DIS3L2: variants seen among roughly 807,000 people sequenced by gnomAD.
DIS3L2 encodes DIS3-like exonuclease 2.
In DIS3L2, 34 loss-of-function variants were observed where a neutral mutation model predicts 97.5. The observed-to-expected ratio is 0.35, with a 90% CI of 0.27 to 0.46. The LOEUF (loss-of-function observed/expected upper bound fraction) is 0.46. Ranked by LOEUF, DIS3L2 falls within the 20% of genes least tolerant of loss-of-function variation. The probability of loss-of-function intolerance (pLI) is 1.00; values close to 1 mark genes in which losing one functional copy is unlikely to be tolerated. For synonymous variants in DIS3L2, 435 were observed against 445.2 expected (o/e 0.98, Z 0.29); for missense variants, 1,038 against 1,146.0 (o/e 0.91, Z 1.36).
At chr2:231,970,828 AT>A (rs1553594938) in intron 1 of DIS3L2, among the ~76,000 whole-genome samples, 1 of 151,800 alleles carries the variant, frequency 6.6e-6, no homozygotes, top group Non-Finnish European at 1.5e-5. Context: ...AATTTTTTAT[AT>A]TTTGATTCTT....
chr2:231,973,385 T>C (rs575827128), intron 1 of DIS3L2, among the ~76,000 whole-genome samples: 1 of 152,260 alleles, frequency 6.6e-6, no homozygotes, highest in East Asian at 1.9e-4. Flanking sequence ...CAGATAAAGC[T>C]GTGATTCACC....
chr2:232,079,912 G>A (rs570732242), intron 5 of DIS3L2, among the ~76,000 whole-genome samples: 18 of 152,304 alleles, frequency 1.2e-4, no homozygotes, highest in African/African-American at 4.1e-4. Context: ...TAGAACATGA[G>A]GATAGAAAAA....
chr2:231,986,997 C>T (rs1271810174), intron 1 of DIS3L2, among the ~76,000 whole-genome samples: 1 of 152,180 alleles, frequency 6.6e-6, no homozygotes, highest in African/African-American at 2.4e-5. Context: ...ATCTGATTAA[C>T]ATTTATGGTA....
intron 11 of DIS3L2, among the ~76,000 whole-genome samples, chr2:232,240,854 C>G (rs924163791): frequency 1.3e-5 from 2 of 152,190 alleles, no homozygotes; most frequent in African/African-American, 2.4e-5. Context: ...CTTTTATAAC[C>G]AGGAATTACT....
chr2:232,050,627 C>T (rs762750172), intron 5 of DIS3L2, among the ~76,000 whole-genome samples: 25 of 152,144 alleles, frequency 1.6e-4, no homozygotes, highest in Non-Finnish European at 3.5e-4. Flanking sequence ...TCTTTCTTTA[C>T]GTTCTTTTCC....
chr2:232,082,124 G>C (rs1696421923), intron 5 of DIS3L2, among the ~76,000 whole-genome samples: 1 of 152,196 alleles, frequency 6.6e-6, no homozygotes, highest in Non-Finnish European at 1.5e-5. Flanking sequence ...TGCAATATGA[G>C]ATGGTTAGAG....
chr2:232,028,215 A>C (rs1694712551), intron 4 of DIS3L2, among the ~76,000 whole-genome samples: 1 of 152,082 alleles, frequency 6.6e-6, no homozygotes, highest in Non-Finnish European at 1.5e-5. Context: ...AGGGAAGTTC[A>C]TTATCTATTT....
intron 6 of DIS3L2, among the ~76,000 whole-genome samples, chr2:232,100,998 G>A (rs1697187868): frequency 6.6e-6 from 1 of 152,108 alleles, no homozygotes; most frequent in African/African-American, 2.4e-5. Flanking sequence ...CACTTTGGGA[G>A]GCCGAGGTGG....
intron 6 of DIS3L2, among the ~76,000 whole-genome samples, chr2:232,097,483 C>T (rs1697055387): frequency 6.6e-6 from 1 of 152,166 alleles, no homozygotes; most frequent in African/African-American, 2.4e-5. Flanking sequence ...CCTTCCCTCC[C>T]CTTTCCACAG....
chr2:232,294,449 C>T (rs999261114), intron 13 of DIS3L2, among the ~76,000 whole-genome samples: 1 of 152,222 alleles, frequency 6.6e-6, no homozygotes, highest in East Asian at 1.9e-4. Flanking sequence ...TAAGCACCTA[C>T]ACACCAGTAG....
At chr2:232,252,380 G>A (rs1472243284) in intron 12 of DIS3L2, among the ~76,000 whole-genome samples, 2 of 152,158 alleles carry the variant, frequency 1.3e-5, no homozygotes, top group Admixed American at 1.3e-4. Flanking sequence ...TTGCACTCCA[G>A]CTTGGGCAGT....
chr2:232,239,880 AAACT>A (rs139914008), intron 11 of DIS3L2, among the ~76,000 whole-genome samples: 1 of 152,342 alleles, frequency 6.6e-6, no homozygotes, highest in East Asian at 1.9e-4. Context: ...TCCACCCTGA[AAACT>A]AACCTCTCAA....
chr2:231,970,141 T>C (rs371576305), intron 1 of DIS3L2, among the ~76,000 whole-genome samples: 1 of 151,854 alleles, frequency 6.6e-6, no homozygotes, highest in South Asian at 2.1e-4. Context: ...AGAGATGAGG[T>C]CTTGTTATGT....
Position 232,011,361 on chromosome 2 carries a change from T to C in DIS3L2, c.-93-3474T>C, listed in dbSNP as rs555354269. Among the ~76,000 whole-genome samples, 5 of 152,146 alleles carry C rather than the reference T, an allele frequency of 3.3e-5. No homozygotes were observed. In the East Asian group the frequency reaches 9.7e-4, roughly 29 times the overall value. ...TCTTGTTTGTTCATTTTCTTTCTTT[T>C]TTTTTTTTTGAGAAGGAGTTTTGTT... On this transcript the variant is annotated intron_variant, in intron 1 of 20. Transcript: ENST00000325385.
At chr2:231,962,139 T>G (rs1559495860) in intron 1 of DIS3L2, among the ~76,000 whole-genome samples, 2 of 152,260 alleles carry the variant, frequency 1.3e-5, no homozygotes, top group South Asian at 4.1e-4. Context: ...CTCTAGGGTC[T>G]TGATCGAGAT....
chr2:232,046,328 A>G (rs900489631), intron 5 of DIS3L2, among the ~76,000 whole-genome samples: 7 of 152,178 alleles, frequency 4.6e-5, no homozygotes, highest in African/African-American at 7.2e-5. Context: ...AGTGTGGTCC[A>G]TGTACTAACG....
At chr2:232,077,747 G>C (rs1696235490) in intron 5 of DIS3L2, among the ~76,000 whole-genome samples, 1 of 152,142 alleles carries the variant, frequency 6.6e-6, no homozygotes, top group South Asian at 2.1e-4. Context: ...CCCCACCCTT[G>C]CAGGTCTATG....
intron 1 of DIS3L2, among the ~76,000 whole-genome samples, chr2:231,985,435 G>A (rs1338867709): frequency 6.6e-6 from 1 of 152,180 alleles, no homozygotes; most frequent in African/African-American, 2.4e-5. Context: ...TTGCTGAGTA[G>A]TATTCCATGG....
intron 3 of DIS3L2, 189 bp downstream of exon 3, chr2:232,015,860 T>C (rs1400484491): frequency 1.9e-6 from 1 of 529,734 alleles, no homozygotes; most frequent in Non-Finnish European, 3.2e-6. Context: ...CATTTAGAGG[T>C]AATAAGCACC....
Sources: gnomAD v4.1 joint callset for allele counts (sites outside exome capture counted in the v4.1 genomes callset) on GRCh38, gnomAD v4.1.1 for gene constraint, MANE v1.5 for transcripts, NCBI Gene and HGNC (gene_info 2026-07-23, HGNC 2026-07-21) for gene names.